BIRC6: variants seen among roughly 807,000 people sequenced by gnomAD.
The protein encoded by BIRC6 is baculoviral IAP repeat containing 6, also known as dual E2 ubiquitin-conjugating enzyme/E3 ubiquitin-protein ligase BIRC6.
In BIRC6, 98 loss-of-function variants were observed where a neutral mutation model predicts 503.3. The observed-to-expected ratio is 0.19, with a 90% CI of 0.17 to 0.23. The LOEUF is 0.23. Ranked by LOEUF, BIRC6 falls within the 10% of genes least tolerant of loss-of-function variation. The pLI is 1.00. For missense variants in BIRC6, 5,360 were observed against 5,806.0 expected (o/e 0.92, Z 2.50); for synonymous variants, 2,240 against 2,078.7 (o/e 1.08, Z -2.11).
At chr2:32,532,916 A>G (rs1409744491) in intron 61 of BIRC6, among the ~76,000 whole-genome samples, 1 of 152,170 alleles carries the variant, frequency 6.6e-6, no homozygotes, top group East Asian at 1.9e-4. Context: ...ATACCTAAGA[A>G]TGTGAAAGTG....
At position 32,415,620 on chromosome 2, in the gene BIRC6, T is replaced by G; in HGVS notation, c.2329T>G (p.Cys777Gly). 1 of 1,613,990 alleles carries G rather than the reference T, an allele frequency of 6.2e-7. No individual in the cohort carries two copies. The highest frequency in any genetic ancestry group is 8.5e-7 in the Non-Finnish European group (1 of 1,179,884). Residue 777 changes from cysteine (C) to glycine (G), a missense_variant, in exon 10 of 74, where the codon TGT becomes GGT. Transcript: ENST00000421745. The stretch of plus-strand genomic sequence containing the variant: ...TTTAAATAAATTAAACTCTGCACTA[T>G]GTAATAGACGGAAAGGTGAGCTGGA... ...NNLNKLNSAL[C>G]NRRKGELESN...
intron 71 of BIRC6, among the ~76,000 whole-genome samples, chr2:32,606,542 A>G (rs1281348964): frequency 2.0e-5 from 3 of 152,178 alleles, no homozygotes; most frequent in East Asian, 1.9e-4. Flanking sequence ...GCAATGAACC[A>G]AGATTGTACC....
chr2:32,572,698 G>T lies in BIRC6; in HGVS notation c.13145-2458G>T, dbSNP rs113324140. On this transcript the variant is annotated intron_variant, in intron 65 of 73. Coordinates refer to ENST00000421745, the MANE Select transcript of BIRC6 (RefSeq NM_016252.4). Reference sequence around the variant, plus strand: ...AGTAGGATGTTGTGACATTGTTCATGGGTTGGAAAATGGGCTTTCATACTC... The same window carrying T: ...AGTAGGATGTTGTGACATTGTTCATTGGTTGGAAAATGGGCTTTCATACTC... 9.4e-3 allele frequency among the ~76,000 whole-genome samples: 1,435 copies of T among 152,214 alleles called. 19 individuals carry two copies. The highest frequency in any genetic ancestry group is 0.017 in the Middle Eastern group (5 of 294).
In BIRC6 at chr2:32,378,634, T is replaced by C. The variant is rs112638035; in HGVS notation, c.507+865T>C. Reference sequence around the variant, plus strand: ...CACCACACCCAGCTAATTTTTGTATTTTTAGTAGAGACGGGTTTCACCATG... The same window carrying C: ...CACCACACCCAGCTAATTTTTGTATCTTTAGTAGAGACGGGTTTCACCATG... On this transcript the variant is annotated intron_variant, in intron 2 of 73. Transcript: ENST00000421745. Among the ~76,000 whole-genome samples, 792 of 152,088 alleles carry C rather than the reference T, an allele frequency of 5.2e-3. 5 individuals are homozygous for C. Among genetic ancestry groups the C allele is most frequent in the African/African-American group, 0.018 (746 of 41,460 alleles).
At chr2:32,477,803 A>G (rs368367426) in intron 35 of BIRC6, among the ~76,000 whole-genome samples, 2 of 151,438 alleles carry the variant, frequency 1.3e-5, no homozygotes, top group Non-Finnish European at 2.9e-5. Flanking sequence ...TTTTTAGTCA[A>G]TTTTCATTAA....
intron 73 of BIRC6, among the ~76,000 whole-genome samples, chr2:32,617,053 C>G (rs2063291502): frequency 6.6e-6 from 1 of 152,074 alleles, no homozygotes; most frequent in African/African-American, 2.4e-5. Flanking sequence ...TGTGATTGTG[C>G]CGCTGCTCTC....
chr2:32,457,281 A>G (rs934005080), intron 23 of BIRC6, among the ~76,000 whole-genome samples: 3 of 152,178 alleles, frequency 2.0e-5, no homozygotes, highest in Non-Finnish European at 2.9e-5. Context: ...TTGTCTTTCA[A>G]TGGGAGAATT....
At chr2:32,574,530 G>T (rs1378270731) in intron 65 of BIRC6, 1 of 156,010 alleles carries the variant, frequency 6.4e-6, no homozygotes, top group South Asian at 1.9e-4. Context: ...ATTATATACT[G>T]TAAGGTAAGG....
chr2:32,551,942 C>T (rs974491309), intron 65 of BIRC6, among the ~76,000 whole-genome samples: 2 of 152,012 alleles, frequency 1.3e-5, no homozygotes, highest in African/African-American at 4.8e-5. Flanking sequence ...ACATTGTATT[C>T]AAGGGATGAT....
chr2:32,412,407 G>A (rs2041981586), intron 9 of BIRC6, among the ~76,000 whole-genome samples: 1 of 152,034 alleles, frequency 6.6e-6, no homozygotes, highest in African/African-American at 2.4e-5. Context: ...TGAGGCAGGA[G>A]AATCCCTTGA....
At chr2:32,566,633 A>G (rs2059552368) in intron 65 of BIRC6, among the ~76,000 whole-genome samples, 1 of 152,174 alleles carries the variant, frequency 6.6e-6, no homozygotes, top group African/African-American at 2.4e-5. Context: ...GATTATAGGC[A>G]TGAGCCACTG....
chr2:32,427,570 G>A (rs2043661133), intron 10 of BIRC6, among the ~76,000 whole-genome samples: 1 of 152,218 alleles, frequency 6.6e-6, no homozygotes. Flanking sequence ...ACAGGCGTGA[G>A]CCACTGCTCC....
intron 9 of BIRC6, among the ~76,000 whole-genome samples, chr2:32,407,351 A>G (rs910797543): frequency 6.6e-6 from 1 of 151,084 alleles, no homozygotes; most frequent in Non-Finnish European, 1.5e-5. Flanking sequence ...AGGCTGAGGC[A>G]GGAGAATCGT....
At chr2:32,420,403 A>G (rs925886727) in intron 10 of BIRC6, among the ~76,000 whole-genome samples, 8 of 152,068 alleles carry the variant, frequency 5.3e-5, no homozygotes, top group African/African-American at 1.7e-4. Flanking sequence ...GAGACTTCCT[A>G]AGGTTTTTTA....
chr2:32,408,512 T>G (rs190237494), intron 9 of BIRC6, among the ~76,000 whole-genome samples: 147 of 152,350 alleles, frequency 9.6e-4, no homozygotes, highest in Non-Finnish European at 1.9e-3. Context: ...TGTTAAGTTT[T>G]TTTTGATTGT....
At chr2:32,566,466 C>T (rs1429814142) in intron 65 of BIRC6, 1 of 152,250 alleles carries the variant, frequency 6.6e-6, no homozygotes, top group Non-Finnish European at 1.5e-5. Flanking sequence ...GATCCTGCCA[C>T]TTCAGCCTCA....
At chr2:32,367,522 T>TA (rs945629630) in intron 1 of BIRC6, among the ~76,000 whole-genome samples, 7 of 151,580 alleles carry the variant, frequency 4.6e-5, no homozygotes, top group African/African-American at 9.7e-5. Flanking sequence ...ACAGCGCTGT[T>TA]AAAAAAAGTA....
chr2:32,605,264 C>T (rs972598630), intron 71 of BIRC6, among the ~76,000 whole-genome samples: 6 of 152,186 alleles, frequency 3.9e-5, no homozygotes, highest in African/African-American at 1.4e-4. Context: ...ATATTTTATG[C>T]TTCCTTTAGT....
In BIRC6 at chr2:32,397,643, C is replaced by CACACACACATATATGTGTATATATATAT. The variant is rs1558617455; in HGVS notation, c.1034+2059_1034+2060insTATATGTGTATATATATATACACACACA. On this transcript the variant is annotated intron_variant, in intron 6 of 73. Coordinates refer to ENST00000421745, the MANE Select transcript of BIRC6 (RefSeq NM_016252.4). The stretch of plus-strand genomic sequence containing the variant: ...ATATATATATATGTATATATATACA[C>CACACACACATATATGTGTATATATATAT]ACACACACACATATATGTGTATATA... Among the ~76,000 whole-genome samples the CACACACACATATATGTGTATATATATAT allele has an allele frequency of 1.4e-3, 201 of 139,306 alleles. 1 individual carries two copies. The highest frequency in any genetic ancestry group is 5.4e-3 in the African/African-American group (190 of 35,472). The allele number at this position is 139,306 out of a possible 152,430, so 91.4% of individuals were successfully genotyped here.
Sources: allele counts gnomAD v4.1 joint callset (sites outside exome capture counted in the v4.1 genomes callset), GRCh38; gene constraint gnomAD v4.1.1; transcripts MANE v1.5; gene names NCBI Gene and HGNC (gene_info 2026-07-23, HGNC 2026-07-21).